PDE3A: variants seen among roughly 807,000 people sequenced by gnomAD.
PDE3A encodes phosphodiesterase 3A.
A neutral mutation model predicts 98.3 loss-of-function variants in PDE3A; 43 were observed. The ratio of observed to expected loss-of-function variants is 0.44; its 90% CI spans 0.34 to 0.56. The LOEUF (loss-of-function observed/expected upper bound fraction) is 0.56. Among genes scored for constraint, PDE3A ranks in the 20% least tolerant of loss-of-function variants. The pLI, the probability that PDE3A is intolerant of heterozygous loss-of-function variation, is 0.01. For synonymous variants in PDE3A, 663 were observed against 567.9 expected, an observed-to-expected ratio of 1.17 and a Z score of -2.38; for missense variants, 1,427 against 1,440.7, an observed-to-expected ratio of 0.99 and a Z score of 0.15.
chr12:20,667,857 G>A (rs949145706), intron 15 of PDE3A, among the ~76,000 whole-genome samples: 19 of 152,140 alleles, frequency 1.2e-4, no homozygotes, highest in Non-Finnish European at 2.1e-4. Context: ...CAAGATGGCC[G>A]AACAGGAACA....
At chr12:20,394,599 T>A (rs1053306154) in intron 1 of PDE3A, among the ~76,000 whole-genome samples, 2 of 152,120 alleles carry the variant, frequency 1.3e-5, no homozygotes, top group Non-Finnish European at 2.9e-5. Flanking sequence ...ATTATAATGA[T>A]ATCAGATGCT....
At chr12:20,540,325 T>G (rs1216774769) in intron 1 of PDE3A, among the ~76,000 whole-genome samples, 1 of 152,118 alleles carries the variant, frequency 6.6e-6, no homozygotes, top group Non-Finnish European at 1.5e-5. Flanking sequence ...AAAAGTAAAT[T>G]TAGTTAGAAT....
intron 1 of PDE3A, among the ~76,000 whole-genome samples, chr12:20,385,435 C>G (rs1358278125): frequency 1.3e-5 from 2 of 151,984 alleles, no homozygotes; most frequent in African/African-American, 4.8e-5. Flanking sequence ...CATCCCATTA[C>G]TGGGTATATA....
chr12:20,391,154 AG>A (rs1184884761), intron 1 of PDE3A, among the ~76,000 whole-genome samples: 5 of 151,816 alleles, frequency 3.3e-5, no homozygotes, highest in Non-Finnish European at 7.4e-5. Context: ...TTACTTTATC[AG>A]TAGAGACAAT....
At chr12:20,580,964 C>T (rs1035511521) in intron 2 of PDE3A, among the ~76,000 whole-genome samples, 1 of 152,110 alleles carries the variant, frequency 6.6e-6, no homozygotes, top group African/African-American at 2.4e-5. Flanking sequence ...ATGACATGTC[C>T]TCCGCCTGCT....
At chr12:20,371,827 T>G (rs1477801809) in intron 1 of PDE3A, among the ~76,000 whole-genome samples, 2 of 152,188 alleles carry the variant, frequency 1.3e-5, no homozygotes, top group Non-Finnish European at 2.9e-5. Context: ...CCATTTTAAT[T>G]TCTTTTCACA....
At chr12:20,388,352 A>G (rs890240571) in intron 1 of PDE3A, among the ~76,000 whole-genome samples, 2 of 152,084 alleles carry the variant, frequency 1.3e-5, no homozygotes, top group Admixed American at 1.3e-4. Flanking sequence ...CGGCCTACAG[A>G]CAATTTTTGT....
chr12:20,417,062 T>C (rs1416296167), intron 1 of PDE3A, among the ~76,000 whole-genome samples: 1 of 152,162 alleles, frequency 6.6e-6, no homozygotes, highest in Non-Finnish European at 1.5e-5. Context: ...TGTGCATAAA[T>C]GATGGGAAAC....
intron 1 of PDE3A, among the ~76,000 whole-genome samples, chr12:20,516,541 T>C (rs932311331): frequency 2.6e-5 from 4 of 152,160 alleles, no homozygotes; most frequent in Non-Finnish European, 5.9e-5. Context: ...GAAGCCTCAA[T>C]GTCTTTGGTT....
At chr12:20,648,989 G>T (rs183876844) in intron 13 of PDE3A, 98 bp downstream of exon 13, 3 of 739,084 alleles carry the variant, frequency 4.1e-6, no homozygotes, top group Non-Finnish European at 6.4e-6. Flanking sequence ...GCAGTGGCAC[G>T]ATCTTGGCTC....
In PDE3A at chr12:20,552,490, G is replaced by C. The variant is rs993326975; in HGVS notation, c.961-4170G>C. The C allele has an allele frequency of 3.1e-6, 5 of 1,613,028 alleles. No individual in the cohort carries two copies. In the African/African-American group the frequency reaches 5.3e-5, roughly 17 times the overall value. ...GGAAGCCCTGGCCAACCGAGAGCGAGAGAAGGAGAACAGCAAGAGGGAGGA... is the reference window on the plus strand; with the variant it reads ...GGAAGCCCTGGCCAACCGAGAGCGACAGAAGGAGAACAGCAAGAGGGAGGA... On this transcript the variant is annotated intron_variant, in intron 1 of 15. Coordinates refer to ENST00000359062, the MANE Select transcript of PDE3A (RefSeq NM_000921.5). This position sits in a 1 kb window ranked among gnomAD's most constrained non-coding sequence, Gnocchi z 5.1.
At chr12:20,418,758 A>C (rs923881592) in intron 1 of PDE3A, among the ~76,000 whole-genome samples, 1 of 152,054 alleles carries the variant, frequency 6.6e-6, no homozygotes, top group Admixed American at 6.6e-5. Flanking sequence ...TAGTTTTCCC[A>C]CAACACTTTT....
chr12:20,617,778 T>C (rs1944040615), intron 4 of PDE3A, among the ~76,000 whole-genome samples: 1 of 152,100 alleles, frequency 6.6e-6, no homozygotes. Context: ...CAAATGCCTT[T>C]TATTCTGTTA....
chr12:20,382,907 A>G (rs946418347), intron 1 of PDE3A, among the ~76,000 whole-genome samples: 6 of 152,008 alleles, frequency 3.9e-5, no homozygotes, highest in Admixed American at 3.3e-4. Context: ...TTTGCATTTG[A>G]TTACAAAAAC....
intron 4 of PDE3A, among the ~76,000 whole-genome samples, chr12:20,617,076 T>G (rs1269408945): frequency 6.6e-6 from 1 of 152,210 alleles, no homozygotes; most frequent in African/African-American, 2.4e-5. Flanking sequence ...TCAAATTCAT[T>G]AATTGTGAGA....
chr12:20,581,258 A>G (rs894263980), intron 2 of PDE3A, among the ~76,000 whole-genome samples: 6 of 152,222 alleles, frequency 3.9e-5, no homozygotes, highest in African/African-American at 1.4e-4. Context: ...AATGCCAAAC[A>G]GAAGGCTTAT....
At chr12:20,446,893 G>A (rs1944965886) in intron 1 of PDE3A, among the ~76,000 whole-genome samples, 1 of 152,116 alleles carries the variant, frequency 6.6e-6, no homozygotes, top group African/African-American at 2.4e-5. Flanking sequence ...GATGGCTGAG[G>A]GAACTGCAGT....
chr12:20,538,190 G>C (rs1181961675), intron 1 of PDE3A, among the ~76,000 whole-genome samples: 1 of 152,102 alleles, frequency 6.6e-6, no homozygotes, highest in Non-Finnish European at 1.5e-5. Context: ...CGCACTCTGT[G>C]TGTGTGTGTT....
intron 1 of PDE3A, among the ~76,000 whole-genome samples, chr12:20,399,921 CAT>C (rs1395852296): frequency 6.6e-6 from 1 of 152,214 alleles, no homozygotes; most frequent in Non-Finnish European, 1.5e-5. Context: ...TCAATCTAAT[CAT>C]TCCAAATGAG....
Sources: gnomAD v4.1 joint callset for allele counts (sites outside exome capture counted in the v4.1 genomes callset) on GRCh38, gnomAD v4.1.1 for gene constraint, Gnocchi (gnomAD v3.1) non-coding constraint, MANE v1.5 for transcripts, NCBI Gene and HGNC (gene_info 2026-07-23, HGNC 2026-07-21) for gene names.